The following NRXN1 variants were observed in gnomAD, a reference collection of about 807,000 sequenced individuals.
NRXN1 encodes the protein neurexin 1, also known as neurexin-1.
In NRXN1, 39 loss-of-function variants were observed where a neutral mutation model predicts 150.9. That is an observed-to-expected ratio of 0.26 (90% CI 0.20 to 0.34). NRXN1 has a LOEUF of 0.34. Ranked by LOEUF, NRXN1 falls within the 10% of genes least tolerant of loss-of-function variation. NRXN1 has a pLI of 1.00. For synonymous variants in NRXN1, 924 were observed against 757.0 expected (o/e 1.22, Z -3.62); for missense variants, 1,815 against 1,949.9 (o/e 0.93, Z 1.30).
intron 19 of NRXN1, among the ~76,000 whole-genome samples, chr2:50,069,962 T>C (rs933298274): frequency 2.0e-5 from 3 of 151,134 alleles, no homozygotes; most frequent in Non-Finnish European, 4.4e-5. Flanking sequence ...GCCATTCTCC[T>C]GCCTCAGCCT....
At chr2:50,885,476 T>G (rs1414159222) in intron 5 of NRXN1, among the ~76,000 whole-genome samples, 1 of 151,270 alleles carries the variant, frequency 6.6e-6, no homozygotes, top group African/African-American at 2.4e-5. Context: ...TTCCAACTAC[T>G]ATTTTATACC....
At chr2:50,644,367 A>C (rs1432064753) in intron 5 of NRXN1, among the ~76,000 whole-genome samples, 1 of 151,878 alleles carries the variant, frequency 6.6e-6, no homozygotes, top group African/African-American at 2.4e-5. Flanking sequence ...CATTCATATT[A>C]ATAGCCATCA....
chr2:50,378,963 G>A (rs1278923034), intron 17 of NRXN1, among the ~76,000 whole-genome samples: 1 of 152,058 alleles, frequency 6.6e-6, no homozygotes, highest in African/African-American at 2.4e-5. Flanking sequence ...AACATTCTTA[G>A]ATTTTCCAGA....
rs150731174 is a variant in NRXN1 at position 50,914,399 on chromosome 2, G to A, written c.832+7470C>T. 6.5e-3 allele frequency among the ~76,000 whole-genome samples: 986 copies of A among 151,632 alleles called. 7 individuals are homozygous for A. Among genetic ancestry groups the A allele is most frequent in the Non-Finnish European group, 0.011 (732 of 67,744 alleles). ...CCAAAAGATCCTTCCTGAAAACGTC[G>A]CAATGAATCATGCTATTCAGAAGCC... On this transcript the variant is annotated intron_variant, in intron 5 of 22. Transcript: ENST00000401669.
chr2:49,988,871 A>C (rs1386318282), intron 21 of NRXN1, among the ~76,000 whole-genome samples: 5 of 152,196 alleles, frequency 3.3e-5, no homozygotes, highest in Non-Finnish European at 7.4e-5. Flanking sequence ...TGCTATAACT[A>C]AACTTATAAC....
chr2:50,634,239 A>C (rs932948187), intron 5 of NRXN1, among the ~76,000 whole-genome samples: 2 of 152,190 alleles, frequency 1.3e-5, no homozygotes, highest in South Asian at 2.1e-4. Context: ...ATTGTGTGGA[A>C]AATAAACTCT....
chr2:50,166,757 T>C (rs1233666885), intron 18 of NRXN1, among the ~76,000 whole-genome samples: 1 of 152,162 alleles, frequency 6.6e-6, no homozygotes, highest in Admixed American at 6.5e-5. Context: ...TCTGAGAACA[T>C]TTCATGTGAG....
chr2:50,361,195 T>C (rs2079161656), intron 17 of NRXN1, among the ~76,000 whole-genome samples: 1 of 151,640 alleles, frequency 6.6e-6, no homozygotes. Context: ...AACATCACAA[T>C]TAAAAGAACT....
Position 50,829,749 on chromosome 2 carries a change from C to T in NRXN1, c.832+92120G>A, listed in dbSNP as rs935361765. Reference sequence around the variant, plus strand: ...GTTGGCAGCGCCCAAGGTTGCACGGCATGGCCCGCTTAAGTGCCACTCAGC... The same window carrying T: ...GTTGGCAGCGCCCAAGGTTGCACGGTATGGCCCGCTTAAGTGCCACTCAGC... On this transcript the variant is annotated intron_variant, in intron 5 of 22. Coordinates refer to ENST00000401669, the MANE Select transcript of NRXN1 (RefSeq NM_001330078.2). The T allele has an allele frequency of 3.2e-6, 5 of 1,576,352 alleles. No individual in the cohort carries two copies. The African/African-American group carries it at 6.8e-5, about 21-fold the overall frequency.
chr2:50,745,677 G>A (rs1384959442), intron 5 of NRXN1, among the ~76,000 whole-genome samples: 6 of 152,192 alleles, frequency 3.9e-5, no homozygotes, highest in African/African-American at 7.2e-5. Flanking sequence ...AATCATGGTC[G>A]AAGGGGAAGC....
At chr2:50,677,834 G>T (rs779574678) in intron 5 of NRXN1, among the ~76,000 whole-genome samples, 2 of 151,670 alleles carry the variant, frequency 1.3e-5, no homozygotes, top group East Asian at 3.9e-4. Flanking sequence ...CTACTTCTTC[G>T]TGCATGTGGA....
chr2:50,244,138 T>C (rs1279279054), intron 17 of NRXN1, among the ~76,000 whole-genome samples: 3 of 151,932 alleles, frequency 2.0e-5, no homozygotes, highest in Non-Finnish European at 2.9e-5. Flanking sequence ...TATTCATAAA[T>C]ACATTTTATC....
At position 50,204,341 on chromosome 2, in the gene NRXN1, C is replaced by CGTGT. The variant is rs70946895; in HGVS notation, c.3546+32444_3546+32447dup. 8.5e-3 allele frequency among the ~76,000 whole-genome samples: 946 copies of CGTGT among 111,466 alleles called. 7 individuals carry two copies. Among genetic ancestry groups the CGTGT allele is most frequent in the Non-Finnish European group, 7.1e-3 (376 of 53,120 alleles). 73.1% of individuals were successfully genotyped at this position (111,466 alleles called of 152,430 possible). ...TTTGAAATAAAAATATAAGAAATAC[C>CGTGT]GTGTGTGTGTGTGTGTGTGTGTGTG... is the stretch of plus-strand genomic sequence containing the variant. On this transcript the variant is annotated intron_variant, in intron 18 of 22. Coordinates refer to ENST00000401669, the MANE Select transcript of NRXN1 (RefSeq NM_001330078.2).
At chr2:50,557,968 G>GA in intron 8 of NRXN1, among the ~76,000 whole-genome samples, 1 of 152,152 alleles carries the variant, frequency 6.6e-6, no homozygotes, top group East Asian at 1.9e-4. Flanking sequence ...TCCTTAACTA[G>GA]AAAATATACA....
chr2:50,936,263 T>C (rs934946581), intron 2 of NRXN1, among the ~76,000 whole-genome samples: 1 of 152,138 alleles, frequency 6.6e-6, no homozygotes, highest in Non-Finnish European at 1.5e-5. Flanking sequence ...CCAACCCTGG[T>C]ATTAGAACAA....
At chr2:50,144,126 A>G (rs978507403) in intron 18 of NRXN1, among the ~76,000 whole-genome samples, 1 of 151,870 alleles carries the variant, frequency 6.6e-6, no homozygotes, top group Admixed American at 6.6e-5. Flanking sequence ...TTATAGCCAC[A>G]TGGTTTCTGA....
At chr2:51,017,792 G>T (rs549948581) in intron 2 of NRXN1, among the ~76,000 whole-genome samples, 1 of 151,954 alleles carries the variant, frequency 6.6e-6, no homozygotes, top group East Asian at 1.9e-4. Flanking sequence ...GTAGCATCAC[G>T]TATAATTTTA....
intron 17 of NRXN1, among the ~76,000 whole-genome samples, chr2:50,448,256 A>G (rs1207417747): frequency 6.6e-6 from 1 of 152,096 alleles, no homozygotes; most frequent in African/African-American, 2.4e-5. Flanking sequence ...CATTTTCCTC[A>G]ATTTCTGGGT....
At position 50,625,250 on chromosome 2, in the gene NRXN1, G is replaced by A. The variant is rs577848089; in HGVS notation, c.833-1635C>T. On this transcript the variant is annotated intron_variant, in intron 5 of 22. Coordinates refer to ENST00000401669, the MANE Select transcript of NRXN1 (RefSeq NM_001330078.2). The stretch of plus-strand genomic sequence containing the variant: ...CAGTGCCAGATGATCTGCCTTCCTG[G>A]ATGTAGAAAATGGCCATCAGTGGCT... Among the ~76,000 whole-genome samples, 244 of 152,144 alleles carry A rather than the reference G, an allele frequency of 1.6e-3. 1 individual carries two copies. In the Middle Eastern group the frequency reaches 0.02, roughly 13 times the overall value.
Sources: allele counts gnomAD v4.1 joint callset (sites outside exome capture counted in the v4.1 genomes callset), GRCh38; gene constraint gnomAD v4.1.1; transcripts MANE v1.5; gene names NCBI Gene and HGNC (gene_info 2026-07-23, HGNC 2026-07-21).